The following NOL12 variants were observed in gnomAD, a reference collection of about 807,000 sequenced individuals.
The protein encoded by NOL12 is nucleolar protein 12.
Under a neutral mutation model 25.2 loss-of-function variants are expected in NOL12, and 21 were observed. That is an observed-to-expected ratio of 0.83 (90% CI 0.59 to 1.20). NOL12 has a LOEUF of 1.20. Among genes scored for constraint, NOL12 ranks in the 50% most tolerant of loss-of-function variants. The pLI is 0.00. For missense variants in NOL12, 286 were observed against 287.6 expected, an observed-to-expected ratio of 0.99 and a Z score of 0.04; for synonymous variants, 133 against 113.8, an observed-to-expected ratio of 1.17 and a Z score of -1.08.
In NOL12 at chr22:37,687,664, G is replaced by C. The variant is rs1601605995; in HGVS notation, c.84-246G>C. ...GTAGACACGGAGTTTCACCATGTTT[G>C]CCAGGCTGGTCTTGAACTCCTGGCG... is the stretch of plus-strand genomic sequence containing the variant. On this transcript the variant is annotated intron_variant, in intron 1 of 5. Coordinates refer to ENST00000359114, the MANE Select transcript of NOL12 (RefSeq NM_024313.3). 1.2e-5 allele frequency: 4 copies of C among 333,188 alleles called. No homozygotes were observed. The East Asian group carries it at 2.7e-4, about 22-fold the overall frequency. 20.6% of individuals were successfully genotyped at this position (333,188 alleles called of 1,614,324 possible).
At chr22:37,686,841 T>G in intron 1 of NOL12, 1 of 985,452 alleles carries the variant, frequency 1.0e-6, no homozygotes, top group Non-Finnish European at 1.2e-6. Flanking sequence ...GTTCATTCAT[T>G]CGCTCCCTAG....
At chr22:37,689,336 G>C (rs77326142) in intron 4 of NOL12, among the ~76,000 whole-genome samples, 3,091 of 152,270 alleles carry the variant, frequency 0.02, 108 homozygotes, top group African/African-American at 0.071. Flanking sequence ...CCTGCCTTGT[G>C]GGATTGGTAT....
chr22:37,690,846 G>A, intron 5 of NOL12, 52 bp downstream of exon 5: 1 of 1,362,298 alleles, frequency 7.3e-7, no homozygotes, highest in Non-Finnish European at 1.0e-6. Context: ...GCTGGCAGTA[G>A]TGACCTGGCC....
chr22:37,687,483 A>G (rs1032139862), intron 1 of NOL12, among the ~76,000 whole-genome samples: 4 of 152,144 alleles, frequency 2.6e-5, no homozygotes, highest in African/African-American at 9.7e-5. Context: ...TGTTTTTGAG[A>G]TGGAGTCTGT....
At position 37,687,964 on chromosome 22, in the gene NOL12, T is replaced by G. The variant is rs752337752; in HGVS notation, c.138T>G (p.Ile46Met). 1 of 1,590,874 alleles carries G rather than the reference T, an allele frequency of 6.3e-7. No homozygotes were observed. The change falls in exon 2 of 6, where the codon ATT becomes ATG. Residue 46 changes from isoleucine (I) to methionine (M), a missense_variant. By Grantham distance (10) the Ile-to-Met change is conservative (BLOSUM62 1). Coordinates refer to ENST00000359114, the MANE Select transcript of NOL12 (RefSeq NM_024313.3). Reference sequence around the variant, plus strand: ...AGGTCGAGCGAAAGAAGGCAGCCATTGAGGAGATTAAGCAGCGGCTGAAAG... The same window carrying G: ...AGGTCGAGCGAAAGAAGGCAGCCATGGAGGAGATTAAGCAGCGGCTGAAAG... ...KRKVERKKAA[I>M]EEIKQRLKEE... is the part of the protein sequence containing the mutation.
chr22:37,686,368 A>G lies in NOL12; in HGVS notation c.-25A>G, dbSNP rs755286393. 1.3e-6 allele frequency: 2 copies of G among 1,580,976 alleles called. No homozygotes were observed. The highest frequency in any genetic ancestry group is 1.4e-5 in the African/African-American group (1 of 73,606). On this transcript the variant is annotated 5_prime_UTR_variant, in exon 1 of 6. Coordinates refer to ENST00000359114, the MANE Select transcript of NOL12 (RefSeq NM_024313.3). ...GCTACACCCGGAAGTGTCTTCAGGG[A>G]GAGGAAGCCGGCGGCCTCACTGCTA...
Position 37,691,581 on chromosome 22 carries a change from C to A in NOL12, c.*245C>A, listed in dbSNP as rs891152163. 117 of 468,694 alleles carry A rather than the reference C, an allele frequency of 2.5e-4. No homozygotes were observed. In the South Asian group the frequency reaches 3.1e-3, roughly 13 times the overall value. 29.0% of individuals were successfully genotyped at this position (468,694 alleles called of 1,614,324 possible). ...CCCCCAGGAAGAGCCTTCAGAGCCA[C>A]GTGGGGGCATCTTCCCAAATGTGCA... On this transcript the variant is annotated 3_prime_UTR_variant, in exon 6 of 6. Transcript: ENST00000359114.
At position 37,691,523 on chromosome 22, in the gene NOL12, T is replaced by G; in HGVS notation, c.*187T>G. On this transcript the variant is annotated 3_prime_UTR_variant, in exon 6 of 6. Transcript: ENST00000359114. The stretch of plus-strand genomic sequence containing the variant: ...CAGCTGCCTTTGCCTGGGGTTTGAA[T>G]TCCCGAAGGAGCAGGCAGCTGAGAG... 1 of 617,382 alleles carries G rather than the reference T, an allele frequency of 1.6e-6. No individual in the cohort carries two copies. Among genetic ancestry groups the G allele is most frequent in the South Asian group, 3.2e-5 (1 of 30,830 alleles). 38.2% of individuals were successfully genotyped at this position (617,382 alleles called of 1,614,324 possible).
chr22:37,693,445 T>G lies in NOL12; in HGVS notation c.*2109T>G, dbSNP rs142076902. ...AACTTACATTTACAATTTATAGTGT[T>G]TACCAGTATTAAATTCTCAGCCACT... On this transcript the variant is annotated 3_prime_UTR_variant, in exon 6 of 6. Coordinates refer to ENST00000359114, the MANE Select transcript of NOL12 (RefSeq NM_024313.3). 14 of 152,418 alleles carry G rather than the reference T, an allele frequency of 9.2e-5. No individual in the cohort carries two copies. Among genetic ancestry groups the G allele is most frequent in the Admixed American group, 2.6e-4 (4 of 15,292 alleles). The allele number at this position is 152,418 out of a possible 1,614,324, so 9.4% of individuals were successfully genotyped here. A position where few individuals can be genotyped will look rare whatever the true frequency, so the allele number is the denominator to read the frequency against.
intron 1 of NOL12, chr22:37,686,748 C>T (rs1921833604): frequency 2.0e-6 from 2 of 985,370 alleles, no homozygotes; most frequent in Non-Finnish European, 2.4e-6. Flanking sequence ...CACCCTAGCC[C>T]AGCCCAGTCC....
intron 5 of NOL12, 121 bp downstream of exon 5, chr22:37,690,915 C>A: frequency 1.3e-6 from 1 of 747,352 alleles, no homozygotes; most frequent in South Asian, 1.8e-5. Context: ...GTCCAGTGAT[C>A]CTCTGCCTCT....
At chr22:37,688,381 G>C in intron 3 of NOL12, 21 bp downstream of exon 3, 1 of 1,613,258 alleles carries the variant, frequency 6.2e-7, no homozygotes, top group South Asian at 1.1e-5. Context: ...TGCTTGGCCT[G>C]ACCTGGAGAA....
intron 4 of NOL12, 29 bp downstream of exon 4, chr22:37,689,021 A>AG (rs749894131): frequency 6.2e-7 from 1 of 1,605,822 alleles, no homozygotes; most frequent in African/African-American, 1.3e-5. Flanking sequence ...CCTGGGAGGA[A>AG]GGGGCGTGGG....
Position 37,691,373 on chromosome 22 carries a change from G to T in NOL12, c.*37G>T. On this transcript the variant is annotated 3_prime_UTR_variant, in exon 6 of 6. Transcript: ENST00000359114. ...AAGCGGTGCCCCAGTCTAGGCTGCG[G>T]GGACCTGTCCTTGCTCAGCTTGGCT... is the stretch of plus-strand genomic sequence containing the variant. 6.4e-7 allele frequency: 1 copy of T among 1,568,170 alleles called. No homozygotes were observed. Among genetic ancestry groups the T allele is most frequent in the Non-Finnish European group, 8.7e-7 (1 of 1,154,836 alleles).
chr22:37,686,349 C>A lies in NOL12; in HGVS notation c.-44C>A, dbSNP rs1378377291. The A allele has an allele frequency of 3.8e-6, 6 of 1,558,488 alleles. No individual in the cohort carries two copies. The highest frequency in any genetic ancestry group is 2.4e-5 in the South Asian group (2 of 84,228). ...CGCCCGGGAGGATGAGTACGCTACA[C>A]CCGGAAGTGTCTTCAGGGAGAGGAA... On this transcript the variant is annotated 5_prime_UTR_variant, in exon 1 of 6. Transcript: ENST00000359114.
At chr22:37,688,466 G>A (rs989478288) in intron 3 of NOL12, 106 bp downstream of exon 3, 55 of 1,241,012 alleles carry the variant, frequency 4.4e-5, no homozygotes, top group South Asian at 3.0e-4. Context: ...TAGGGATCTT[G>A]GGGGGTACCC....
chr22:37,688,230 C>T (rs952080956), intron 2 of NOL12, 82 bp from the exon 3 acceptor site: 22 of 1,465,920 alleles, frequency 1.5e-5, no homozygotes, highest in African/African-American at 6.9e-5. Flanking sequence ...TGGTCTCCCT[C>T]ACCCTGGGGG....
chr22:37,687,261 C>G (rs1300109159), intron 1 of NOL12, among the ~76,000 whole-genome samples: 2 of 62,678 alleles, frequency 3.2e-5, no homozygotes, highest in Non-Finnish European at 4.5e-5. Flanking sequence ...GTGTGTGGCC[C>G]CCCCCCCCAC....
intron 4 of NOL12, among the ~76,000 whole-genome samples, 180 bp from the exon 5 acceptor site, chr22:37,690,517 G>A (rs369550232): frequency 1.3e-5 from 2 of 152,172 alleles, no homozygotes; most frequent in Non-Finnish European, 2.9e-5. Context: ...ACCTTCCCCT[G>A]TGTAATCCTT....
Sources: allele counts gnomAD v4.1 joint callset (sites outside exome capture counted in the v4.1 genomes callset), GRCh38; gene constraint gnomAD v4.1.1; transcripts MANE v1.5; gene names NCBI Gene and HGNC (gene_info 2026-07-23, HGNC 2026-07-21).